Variants in CSDE1 observed in about 807,000 individuals in gnomAD.
CSDE1 encodes the protein cold shock domain-containing protein E1.
CSDE1 carries 17 observed loss-of-function variants against 89.3 expected under a neutral mutation model. The observed-to-expected ratio is 0.19, with a 90% CI of 0.13 to 0.29. The LOEUF is 0.29. Ranked by LOEUF, CSDE1 falls within the 10% of genes least tolerant of loss-of-function variation. The pLI is 1.00. For synonymous variants in CSDE1, 322 were observed against 332.8 expected (o/e 0.97, Z 0.35); for missense variants, 672 against 984.2 (o/e 0.68, Z 4.24).
At chr1:114,753,017 T>C (rs1661389998) in intron 1 of CSDE1, among the ~76,000 whole-genome samples, 1 of 152,120 alleles carries the variant, frequency 6.6e-6, no homozygotes, top group African/African-American at 2.4e-5. Flanking sequence ...TAAACAGTTA[T>C]GCCACAATTC....
At chr1:114,737,429 T>C (rs763027147) in intron 5 of CSDE1, 42 bp downstream of exon 5, 24 of 1,412,514 alleles carry the variant, frequency 1.7e-5, no homozygotes, top group Middle Eastern at 1.8e-4. Flanking sequence ...ATAGATCACA[T>C]GGTGGATCAG....
intron 9 of CSDE1, 96 bp from the exon 10 acceptor site, chr1:114,732,912 T>C: frequency 9.3e-7 from 1 of 1,080,904 alleles, no homozygotes. Context: ...ATGTTATTTT[T>C]AACTTAGTTC....
rs927693372 is a variant in CSDE1, at chr1:114,726,326, G to C, written c.1525C>G (p.Leu509Val). Reference sequence around the variant, plus strand: ...TTGGAGTTAGAATTACGACCTAAAAGTCGCACACAAGTTGCAACCTGCTGT... The same window carrying C: ...TTGGAGTTAGAATTACGACCTAAAACTCGCACACAAGTTGCAACCTGCTGT... ...PGQQVATCVR[L>V]LGRNSNSKRL... The change falls in exon 14 of 20, where the codon CTT becomes GTT. Residue 509 changes from leucine (L) to valine (V), a missense_variant. Physicochemically the swap from Leu to Val is conservative, Grantham distance 32. Coordinates refer to ENST00000358528, the MANE Select transcript of CSDE1 (RefSeq NM_001007553.3). The C allele has an allele frequency of 3.7e-6, 6 of 1,613,636 alleles. No individual in the cohort carries two copies. The Admixed American group carries it at 8.3e-5, about 22-fold the overall frequency.
At chr1:114,748,975 A>G (rs924740053) in intron 2 of CSDE1, among the ~76,000 whole-genome samples, 2 of 152,150 alleles carry the variant, frequency 1.3e-5, no homozygotes, top group African/African-American at 4.8e-5. Context: ...GCCTCCAGCA[A>G]ACTTCCCTTT....
In CSDE1 at chr1:114,736,861, A is replaced by C. The variant is rs755832968; in HGVS notation, c.403-6T>G. On this transcript the variant is annotated splice_region_variant and splice_polypyrimidine_tract_variant and intron_variant, in intron 5 of 19. Coordinates refer to ENST00000358528, the MANE Select transcript of CSDE1 (RefSeq NM_001007553.3). ...TAAGTCAGATAAAACACTTCCTGTGAATTAATAAATCATTATTACTATTTT... is the reference window on the plus strand; with the variant it reads ...TAAGTCAGATAAAACACTTCCTGTGCATTAATAAATCATTATTACTATTTT... The C allele has an allele frequency of 1.3e-6, 2 of 1,594,940 alleles. No homozygotes were observed. The highest frequency in any genetic ancestry group is 1.1e-5 in the South Asian group (1 of 89,922).
At chr1:114,752,923 G>A (rs1053008321) in intron 1 of CSDE1, among the ~76,000 whole-genome samples, 1 of 151,970 alleles carries the variant, frequency 6.6e-6, no homozygotes. Context: ...GCCTCCTTTC[G>A]CACCTAATCC....
chr1:114,736,705 A>G, intron 6 of CSDE1, 53 bp downstream of exon 6: 1 of 1,106,530 alleles, frequency 9.0e-7, no homozygotes, highest in Non-Finnish European at 1.3e-6. Flanking sequence ...TTCTTAATGG[A>G]GGGGGGAAAA....
intron 1 of CSDE1, among the ~76,000 whole-genome samples, chr1:114,752,826 A>C (rs1167623801): frequency 6.6e-6 from 1 of 152,208 alleles, no homozygotes. Context: ...CAATTTCTGT[A>C]CTTTGTTTAC....
chr1:114,717,947 T>G lies in CSDE1; in HGVS notation c.*222A>C. On this transcript the variant is annotated 3_prime_UTR_variant, in exon 20 of 20. Coordinates refer to ENST00000358528, the MANE Select transcript of CSDE1 (RefSeq NM_001007553.3). ...AAATTGATACTATAAGGCGCCACCT[T>G]AAGTTTTTCCAGGCTGCAACTGTGC... 2.0e-6 allele frequency: 1 copy of G among 511,722 alleles called. No homozygotes were observed. The highest frequency in any genetic ancestry group is 3.3e-5 in the South Asian group (1 of 30,388). The allele number at this position is 511,722 out of a possible 1,614,324, so 31.7% of individuals were successfully genotyped here.
At chr1:114,726,160 C>T in intron 14 of CSDE1, 51 bp downstream of exon 14, 1 of 1,517,498 alleles carries the variant, frequency 6.6e-7, no homozygotes, top group African/African-American at 1.4e-5. Flanking sequence ...ATTCCAACAC[C>T]AAAGAATGGA....
chr1:114,730,799 C>A, intron 10 of CSDE1, 151 bp from the exon 11 acceptor site: 1 of 921,522 alleles, frequency 1.1e-6, no homozygotes, highest in Non-Finnish European at 1.6e-6. Flanking sequence ...CACTTAAGTA[C>A]AAACTCATTG....
At chr1:114,729,846 A>G (rs1660008021) in intron 12 of CSDE1, among the ~76,000 whole-genome samples, 1 of 152,154 alleles carries the variant, frequency 6.6e-6, no homozygotes, top group Non-Finnish European at 1.5e-5. Flanking sequence ...TGAACTGAGG[A>G]TACACCCAAC....
intron 7 of CSDE1, 89 bp from the exon 8 acceptor site, chr1:114,734,206 T>C (rs1434463117): frequency 7.1e-7 from 1 of 1,399,722 alleles, no homozygotes; most frequent in Non-Finnish European, 9.7e-7. Context: ...TGTAAAATTA[T>C]ACTGTAGTCA....
In CSDE1 at chr1:114,720,637, C is replaced by T. The variant is rs1659462481; in HGVS notation, c.1954G>A (p.Val652Ile). 1.2e-6 allele frequency: 2 copies of T among 1,613,990 alleles called. No homozygotes were observed. The highest frequency in any genetic ancestry group is 8.5e-7 in the Non-Finnish European group (1 of 1,180,018). Residue 652 changes from valine to isoleucine, a missense_variant, in exon 17 of 20, where the codon GTC becomes ATC. Physicochemically the swap from Val to Ile is conservative, Grantham distance 29. Transcript: ENST00000358528. ...CCCAGGACACACAATTGGAACTTGA[C>T]GCTCTCCCCTTTCTGCAGGCAATCC... ...KGDCLQKGES[V>I]KFQLCVLGQN... is the part of the protein sequence containing the mutation.
chr1:114,725,033 T>C (rs1485457083), intron 15 of CSDE1, among the ~76,000 whole-genome samples, 188 bp downstream of exon 15: 1 of 151,978 alleles, frequency 6.6e-6, no homozygotes, highest in Non-Finnish European at 1.5e-5. Context: ...ACTCACAGAG[T>C]TTCAGTGGGT....
intron 1 of CSDE1, among the ~76,000 whole-genome samples, chr1:114,755,111 G>GTTAC (rs1024860804): frequency 9.9e-5 from 15 of 151,038 alleles, no homozygotes; most frequent in Non-Finnish European, 2.1e-4. Flanking sequence ...AATTGACACT[G>GTTAC]TTACATTCCT....
rs1334369737 is a variant in CSDE1 at position 114,718,222 on chromosome 1, G to A, written c.2350-6C>T. The stretch of plus-strand genomic sequence containing the variant: ...TTTCTTTCTGCACCAAACCCCTGTG[G>A]GGGGGAGAAAAAAAAAACCCTGCAG... On this transcript the variant is annotated splice_region_variant and splice_polypyrimidine_tract_variant and intron_variant, in intron 19 of 19. Coordinates refer to ENST00000358528, the MANE Select transcript of CSDE1 (RefSeq NM_001007553.3). The A allele has an allele frequency of 6.2e-7, 1 of 1,612,100 alleles. No individual in the cohort carries two copies. Among genetic ancestry groups the A allele is most frequent in the Non-Finnish European group, 8.5e-7 (1 of 1,179,394 alleles).
intron 17 of CSDE1, 157 bp downstream of exon 17, chr1:114,720,382 G>T: frequency 1.5e-6 from 1 of 673,134 alleles, no homozygotes; most frequent in Non-Finnish European, 2.4e-6. Flanking sequence ...GTAGTTTTCT[G>T]TTTTTATTAA....
Position 114,717,388 on chromosome 1 carries a change from T to C in CSDE1, c.*781A>G, listed in dbSNP as rs553336786. 5.3e-5 allele frequency: 8 copies of C among 152,290 alleles called. No homozygotes were observed. Among genetic ancestry groups the C allele is most frequent in the East Asian group, 1.9e-4 (1 of 5,190 alleles). 9.4% of individuals were successfully genotyped at this position (152,290 alleles called of 1,614,324 possible). On this transcript the variant is annotated 3_prime_UTR_variant, in exon 20 of 20. Coordinates refer to ENST00000358528, the MANE Select transcript of CSDE1 (RefSeq NM_001007553.3). ...TGCAGTGATCTAAGCAGCAGCAAGT[T>C]TGTGCATTCATTTTTTTTGTTTTTG... is the stretch of plus-strand genomic sequence containing the variant.
Sources: allele counts gnomAD v4.1 joint callset (sites outside exome capture counted in the v4.1 genomes callset), GRCh38; gene constraint gnomAD v4.1.1; transcripts MANE v1.5; gene names NCBI Gene and HGNC (gene_info 2026-07-23, HGNC 2026-07-21).